The following TRAPPC9 variants were observed in gnomAD, a reference collection of about 807,000 sequenced individuals.
The protein encoded by TRAPPC9 is IKK2 binding protein.
Under a neutral mutation model 124.0 loss-of-function variants are expected in TRAPPC9, and 83 were observed. The ratio of observed to expected loss-of-function variants is 0.67; its 90% CI spans 0.56 to 0.80. The LOEUF (loss-of-function observed/expected upper bound fraction) is 0.80, where lower values mean the gene tolerates loss of function less well. Ranked by LOEUF, TRAPPC9 falls within the 30% of genes least tolerant of loss-of-function variation. The pLI is 0.00. For synonymous variants in TRAPPC9, 638 were observed against 617.5 expected (o/e 1.03, Z -0.49); for missense variants, 1,302 against 1,508.3 (o/e 0.86, Z 2.27).
At chr8:140,388,681 C>CA (rs199627385) in intron 7 of TRAPPC9, among the ~76,000 whole-genome samples, 22 of 148,156 alleles carry the variant, frequency 1.5e-4, no homozygotes, top group Admixed American at 4.7e-4. Flanking sequence ...GACTCCATCT[C>CA]AAAAAAAAAT....
chr8:140,209,518 T>G (rs1381337679), intron 17 of TRAPPC9, among the ~76,000 whole-genome samples: 1 of 152,254 alleles, frequency 6.6e-6, no homozygotes, highest in Non-Finnish European at 1.5e-5. Context: ...CATTTCTTAT[T>G]AAGTTTTGAA....
chr8:139,936,483 C>T (rs1483809105), intron 19 of TRAPPC9, among the ~76,000 whole-genome samples: 1 of 152,178 alleles, frequency 6.6e-6, no homozygotes, highest in Non-Finnish European at 1.5e-5. Flanking sequence ...GCTGGGAGCC[C>T]ATCCAGTGGG....
At chr8:140,206,762 TA>T in intron 17 of TRAPPC9, among the ~76,000 whole-genome samples, 1 of 151,530 alleles carries the variant, frequency 6.6e-6, no homozygotes, top group African/African-American at 2.4e-5. Flanking sequence ...CATACATATA[TA>T]TATATATATA....
At chr8:140,266,093 T>C (rs1309986308) in intron 15 of TRAPPC9, among the ~76,000 whole-genome samples, 1 of 152,212 alleles carries the variant, frequency 6.6e-6, no homozygotes, top group Non-Finnish European at 1.5e-5. Flanking sequence ...TAATTTCAGC[T>C]TTATTACAAT....
rs1162112282 is a variant in TRAPPC9 at position 140,223,979 on chromosome 8, G to A, written c.2432-2396C>T. ...ATAGCACATGAAGGAATCAGACATT[G>A]TGCATCTACAATAAGAAAAATGACA... On this transcript the variant is annotated intron_variant, in intron 16 of 22. Coordinates refer to ENST00000438773, the MANE Select transcript of TRAPPC9 (RefSeq NM_001160372.4). Among the ~76,000 whole-genome samples the A allele has an allele frequency of 3.3e-5, 5 of 152,206 alleles. No homozygotes were observed. The East Asian group carries it at 9.6e-4, about 29-fold the overall frequency.
chr8:139,855,958 A>G (rs142632620), intron 21 of TRAPPC9, among the ~76,000 whole-genome samples: 20 of 152,184 alleles, frequency 1.3e-4, no homozygotes, highest in African/African-American at 4.8e-4. Flanking sequence ...GACAGATAGA[A>G]TTGGGTTCAA....
At chr8:140,360,340 T>C (rs543877230) in intron 8 of TRAPPC9, 147 bp from the exon 9 acceptor site, 11 of 1,104,394 alleles carry the variant, frequency 1.0e-5, no homozygotes, top group Non-Finnish European at 1.2e-5. Context: ...CCTCTGCTTT[T>C]AATGACCCTG....
intron 9 of TRAPPC9, among the ~76,000 whole-genome samples, chr8:140,316,602 C>T (rs1462233497): frequency 6.6e-6 from 1 of 152,160 alleles, no homozygotes; most frequent in East Asian, 1.9e-4. Context: ...TCCACTTGAT[C>T]ATGGTGGAAG....
At chr8:139,767,339 C>T (rs958592797) in intron 21 of TRAPPC9, among the ~76,000 whole-genome samples, 9 of 152,294 alleles carry the variant, frequency 5.9e-5, no homozygotes, top group South Asian at 2.1e-4. Flanking sequence ...TTCATCAACA[C>T]GGGTAGAAAA....
At position 140,405,662 on chromosome 8, in the gene TRAPPC9, C is replaced by A; in HGVS notation, c.923G>T (p.Ser308Ile). Reference protein sequence around the residue: ...LTTNGINPDTSTEIGRAKNCL... With the variant: ...LTTNGINPDTITEIGRAKNCL... Reference sequence around the variant, plus strand: ...GTTCTTAGCACGTCCGATCTCAGTACTGGTGTCAGGGTTGATGCCATTGGT... The same window carrying A: ...GTTCTTAGCACGTCCGATCTCAGTAATGGTGTCAGGGTTGATGCCATTGGT... The change falls in exon 6 of 23, where the codon AGT (serine) becomes ATT (isoleucine). Residue 308 changes from serine to isoleucine, a missense_variant. Ser to Ile is a moderately radical substitution (Grantham distance 142, BLOSUM62 -2). Coordinates refer to ENST00000438773, the MANE Select transcript of TRAPPC9 (RefSeq NM_001160372.4). The A allele has an allele frequency of 6.2e-7, 1 of 1,614,166 alleles. No individual in the cohort carries two copies. The highest frequency in any genetic ancestry group is 1.1e-5 in the South Asian group (1 of 91,086).
intron 16 of TRAPPC9, among the ~76,000 whole-genome samples, chr8:140,245,878 G>A (rs1175737661): frequency 6.6e-6 from 1 of 152,144 alleles, no homozygotes; most frequent in Non-Finnish European, 1.5e-5. Context: ...TTGTTATGTG[G>A]ATGCTTACTG....
chr8:140,173,553 C>CAAAA (rs57984220), intron 17 of TRAPPC9, among the ~76,000 whole-genome samples: 1 of 59,804 alleles, frequency 1.7e-5, no homozygotes, highest in Non-Finnish European at 3.8e-5. Context: ...GACTCTGTCT[C>CAAAA]AAAAAAAAAA....
At position 140,157,105 on chromosome 8, in the gene TRAPPC9, CTTTCCATTCAGAAGCCTCCCT is replaced by C. The variant is rs1563804459; in HGVS notation, c.2556+64333_2556+64353del. The stretch of plus-strand genomic sequence containing the variant: ...CTCCCTTTTCCATTCAGAAGCCTCC[CTTTCCATTCAGAAGCCTCCCT>C]TTTCCATTCAGAAGCCTCCCTTTTC... On this transcript the variant is annotated intron_variant, in intron 17 of 22. Coordinates refer to ENST00000438773, the MANE Select transcript of TRAPPC9 (RefSeq NM_001160372.4). Among the ~76,000 whole-genome samples, 185 of 91,110 alleles carry C rather than the reference CTTTCCATTCAGAAGCCTCCCT, an allele frequency of 2.0e-3. 4 individuals are homozygous for C. Among genetic ancestry groups the C allele is most frequent in the East Asian group, 8.3e-3 (11 of 1,330 alleles). 59.8% of individuals were successfully genotyped at this position (91,110 alleles called of 152,430 possible).
At chr8:140,364,534 T>C (rs2068052847) in intron 8 of TRAPPC9, among the ~76,000 whole-genome samples, 1 of 152,018 alleles carries the variant, frequency 6.6e-6, no homozygotes, top group Non-Finnish European at 1.5e-5. Context: ...CACCCAACTC[T>C]CCCGTGCTAA....
intron 21 of TRAPPC9, among the ~76,000 whole-genome samples, chr8:139,832,647 C>G (rs1826067279): frequency 6.6e-6 from 1 of 152,192 alleles, no homozygotes. Flanking sequence ...CCAGAGTGAG[C>G]ACAGAGGCCT....
At chr8:140,238,876 AC>A (rs2063788393) in intron 16 of TRAPPC9, among the ~76,000 whole-genome samples, 1 of 151,980 alleles carries the variant, frequency 6.6e-6, no homozygotes, top group Admixed American at 6.5e-5. Flanking sequence ...GGGAAGCGCG[AC>A]CCCCGTGCTG....
At chr8:140,369,549 CCTAA>C (rs1425319285) in intron 8 of TRAPPC9, among the ~76,000 whole-genome samples, 3 of 152,094 alleles carry the variant, frequency 2.0e-5, no homozygotes, top group Non-Finnish European at 4.4e-5. Context: ...TGGGGAGAGC[CCTAA>C]CTATCAGAAT....
At chr8:140,173,429 C>G (rs1397763820) in intron 17 of TRAPPC9, among the ~76,000 whole-genome samples, 1 of 151,950 alleles carries the variant, frequency 6.6e-6, no homozygotes, top group African/African-American at 2.4e-5. Context: ...TGGCGGGTGC[C>G]TGTAGTTCCA....
chr8:140,199,090 G>A (rs1015395662), intron 17 of TRAPPC9, among the ~76,000 whole-genome samples: 2 of 152,166 alleles, frequency 1.3e-5, no homozygotes, highest in African/African-American at 4.8e-5. Flanking sequence ...AGAGAGAGAA[G>A]AATGGGTGGA....
Sources: allele counts gnomAD v4.1 joint callset (sites outside exome capture counted in the v4.1 genomes callset), GRCh38; gene constraint gnomAD v4.1.1; transcripts MANE v1.5; gene names NCBI Gene and HGNC (gene_info 2026-07-23, HGNC 2026-07-21).